Variants in MRPS7 observed in about 807,000 individuals in gnomAD.
MRPS7 encodes small ribosomal subunit protein uS7m.
Under a neutral mutation model 26.2 loss-of-function variants are expected in MRPS7, and 13 were observed. The ratio of observed to expected loss-of-function variants is 0.50; its 90% confidence interval spans 0.32 to 0.79. The LOEUF is 0.79. Among genes scored for constraint, MRPS7 ranks in the 30% least tolerant of loss-of-function variants. The pLI, the probability that MRPS7 is intolerant of heterozygous loss-of-function variation, is 0.03. For missense variants in MRPS7, 318 were observed against 312.2 expected (o/e 1.02, Z -0.14); for synonymous variants, 129 against 113.3 (o/e 1.14, Z -0.88).
In MRPS7 at chr17:75,262,866, A is replaced by G; in HGVS notation, c.338A>G (p.Gln113Arg). Residue 113 changes from glutamine (Q) to arginine (R), a missense_variant and splice_region_variant, in exon 3 of 5, where the codon CAG becomes CGG. Coordinates refer to ENST00000245539, the MANE Select transcript of MRPS7 (RefSeq NM_015971.4). ...NKVLARSLMI[Q>R]TLEAVKRKQF... ...GTACTGGCCAGATCCCTCATGATTC[A>G]GGTAAACAGCACTTCCCTCCTCAGT... 2 of 1,614,022 alleles carry G rather than the reference A, an allele frequency of 1.2e-6. No individual in the cohort carries two copies. Among genetic ancestry groups the G allele is most frequent in the South Asian group, 2.2e-5 (2 of 91,064 alleles).
chr17:75,265,470 G>A (rs967141343), intron 4 of MRPS7, among the ~76,000 whole-genome samples: 6 of 152,116 alleles, frequency 3.9e-5, no homozygotes, highest in Admixed American at 1.3e-4. Flanking sequence ...CCACAGTGCC[G>A]GGAGAGGCCA....
chr17:75,264,849 A>C (rs1211784904), intron 4 of MRPS7, among the ~76,000 whole-genome samples: 8 of 142,552 alleles, frequency 5.6e-5, no homozygotes, highest in Admixed American at 4.9e-4. Context: ...CACCATGCCC[A>C]GCTAATTTTT....
chr17:75,263,335 T>C lies in MRPS7; in HGVS notation c.340-5T>C. 5 of 1,614,052 alleles carry C rather than the reference T, an allele frequency of 3.1e-6. No homozygotes were observed. Among genetic ancestry groups the C allele is most frequent in the Non-Finnish European group, 3.4e-6 (4 of 1,180,012 alleles). ...GGCAGCCTCTTCCACCATATTCTTT[T>C]GCAGACTCTGGAAGCTGTGAAAAGG... On this transcript the variant is annotated splice_polypyrimidine_tract_variant and splice_region_variant and intron_variant, in intron 3 of 4. Coordinates refer to ENST00000245539, the MANE Select transcript of MRPS7 (RefSeq NM_015971.4).
intron 1 of MRPS7, 88 bp from the exon 2 acceptor site, chr17:75,262,409 C>T (rs757727212): frequency 2.8e-6 from 4 of 1,429,538 alleles, no homozygotes; most frequent in Non-Finnish European, 3.8e-6. Context: ...CCCTCGTCGG[C>T]GCGTTGGCAG....
At chr17:75,262,416 G>T in intron 1 of MRPS7, 81 bp from the exon 2 acceptor site, 1 of 1,471,702 alleles carries the variant, frequency 6.8e-7, no homozygotes. Flanking sequence ...CGGCGCGTTG[G>T]CAGTCATGCC....
In MRPS7 at chr17:75,265,943, G is replaced by T. The variant is rs746777155; in HGVS notation, c.*20G>T. On this transcript the variant is annotated 3_prime_UTR_variant, in exon 5 of 5. Transcript: ENST00000245539. The stretch of plus-strand genomic sequence containing the variant: ...TGGTAGAGTCTCCAGGAGGAGCCCA[G>T]GGCCCTCTGCCGCAAGAAACAGTGT... The T allele has an allele frequency of 6.2e-7, 1 of 1,609,570 alleles. No homozygotes were observed. Among genetic ancestry groups the T allele is most frequent in the Non-Finnish European group, 8.5e-7 (1 of 1,177,410 alleles).
At position 75,266,078 on chromosome 17, in the gene MRPS7, CTTCT is replaced by C. The variant is rs576352554; in HGVS notation, c.*162_*165del. On this transcript the variant is annotated 3_prime_UTR_variant, in exon 5 of 5. Transcript: ENST00000245539. The stretch of plus-strand genomic sequence containing the variant: ...GCAGCATATTCACTATCCGTTAATC[CTTCT>C]TTCTTTGAGGCTGGAACTTGCTCTC... The C allele has an allele frequency of 4.5e-4, 301 of 669,418 alleles. 1 individual carries two copies. The highest frequency in any genetic ancestry group is 6.1e-4 in the South Asian group (32 of 52,748). 41.5% of individuals were successfully genotyped at this position (669,418 alleles called of 1,614,324 possible). A position where few individuals can be genotyped will look rare whatever the true frequency, so the allele number is the denominator to read the frequency against.
intron 4 of MRPS7, 80 bp downstream of exon 4, chr17:75,263,587 AT>A (rs2077443572): frequency 6.4e-7 from 1 of 1,558,148 alleles, no homozygotes; most frequent in Non-Finnish European, 8.8e-7. Flanking sequence ...TTGGGTCAAG[AT>A]TGATAGCTTT....
Position 75,265,820 on chromosome 17 carries a change from T to C in MRPS7, c.626T>C (p.Leu209Pro). 1 of 1,614,170 alleles carries C rather than the reference T, an allele frequency of 6.2e-7. No homozygotes were observed. ...TLMPEKLSHKLLEAFHNQGPV... is the reference protein window; with the variant it reads ...TLMPEKLSHKPLEAFHNQGPV... ...ATGCCGGAGAAGCTGTCACACAAGCTGCTGGAGGCTTTCCATAACCAGGGC... is the reference window on the plus strand; with the variant it reads ...ATGCCGGAGAAGCTGTCACACAAGCCGCTGGAGGCTTTCCATAACCAGGGC... Residue 209 changes from leucine (L) to proline (P), a missense_variant, in exon 5 of 5, where the codon CTG becomes CCG. Coordinates refer to ENST00000245539, the MANE Select transcript of MRPS7 (RefSeq NM_015971.4).
At position 75,262,526 on chromosome 17, in the gene MRPS7, G is replaced by A. The variant is rs749836473; in HGVS notation, c.113G>A (p.Ser38Asn). 4.3e-6 allele frequency: 7 copies of A among 1,613,972 alleles called. No individual in the cohort carries two copies. In the East Asian group the frequency reaches 1.1e-4, roughly 26 times the overall value. The change falls in exon 2 of 5, where the codon AGT becomes AAT. Residue 38 changes from serine (S) to asparagine (N), a missense_variant. Physicochemically the swap from Ser to Asn is conservative, Grantham distance 46. Transcript: ENST00000245539. ...ACTCAGGTGAGATGGAGCCGCTATA[G>A]TCCTGAATTCAAGGATCCCTTGATT... ...GLTQVRWSRY[S>N]PEFKDPLIDK...
chr17:75,261,991 G>C lies in MRPS7; in HGVS notation c.83+8G>C, dbSNP rs779839555. ...TGTCTTGCAGCTTCCAGGGTGAGAGGGTGGCGAGCAGCGGCGGGGGGGCGC... is the reference window on the plus strand; with the variant it reads ...TGTCTTGCAGCTTCCAGGGTGAGAGCGTGGCGAGCAGCGGCGGGGGGGCGC... On this transcript the variant is annotated splice_region_variant and intron_variant, in intron 1 of 4. Transcript: ENST00000245539. The C allele has an allele frequency of 1.5e-5, 23 of 1,533,788 alleles. No homozygotes were observed. The highest frequency in any genetic ancestry group is 4.5e-5 in the South Asian group (4 of 87,980).
chr17:75,264,772 C>A (rs1239872432), intron 4 of MRPS7, among the ~76,000 whole-genome samples: 1 of 151,214 alleles, frequency 6.6e-6, no homozygotes, highest in Non-Finnish European at 1.5e-5. Flanking sequence ...CTCCGCCTCC[C>A]GGGTTCAAGA....
chr17:75,261,949 T>C lies in MRPS7; in HGVS notation c.49T>C (p.Leu17=), dbSNP rs769770368. 1.2e-6 allele frequency: 2 copies of C among 1,608,184 alleles called. No homozygotes were observed. The highest frequency in any genetic ancestry group is 1.3e-5 in the African/African-American group (1 of 74,868). ...TGCCCGAGGATGGTCGGGCCTGGCG[T>C]TGGGCGTGCGGCGGGCTGTCTTGCA... ...KVARGWSGLA[L]GVRRAVLQLP... is the part of the protein sequence containing the mutation. The change falls in exon 1 of 5, where the codon TTG becomes CTG. Residue 17 remains leucine (L), a synonymous_variant. Transcript: ENST00000245539.
rs954955583 is a variant in MRPS7 at position 75,263,585 on chromosome 17, A to G, written c.507+78A>G. ...TAGGTGGTGCTTGGGAGTTGGGTCA[A>G]GATTGATAGCTTTCTAGCTGGTGCA... On this transcript the variant is annotated intron_variant, in intron 4 of 4. Transcript: ENST00000245539. The G allele has an allele frequency of 7.0e-6, 11 of 1,563,438 alleles. No individual in the cohort carries two copies. The African/African-American group carries it at 1.2e-4, about 17-fold the overall frequency.
chr17:75,262,479 CCTT>C lies in MRPS7; in HGVS notation c.84-17_84-15del, dbSNP rs1347423286. ...TGGAGTCAGCTTTTGCCTGCCTCCT[CCTT>C]TCCCCCCCTCCCAGGCTAACTCAGG... On this transcript the variant is annotated splice_polypyrimidine_tract_variant and intron_variant, in intron 1 of 4. Coordinates refer to ENST00000245539, the MANE Select transcript of MRPS7 (RefSeq NM_015971.4). 3.1e-6 allele frequency: 5 copies of C among 1,611,532 alleles called. No homozygotes were observed. In the East Asian group the frequency reaches 8.9e-5, roughly 29 times the overall value.
intron 1 of MRPS7, 140 bp from the exon 2 acceptor site, chr17:75,262,357 T>C: frequency 2.2e-6 from 2 of 920,092 alleles, no homozygotes; most frequent in Non-Finnish European, 3.4e-6. Flanking sequence ...AGGGCCTGAA[T>C]TGTTGTGGCT....
In MRPS7 at chr17:75,266,213, A is replaced by T. The variant is rs565288691; in HGVS notation, c.*290A>T. ...CTTAGGTTGGGGCGGACCTTTGGAT[A>T]TATAAAGGAAGCAGTTTTAGTATCA... On this transcript the variant is annotated 3_prime_UTR_variant, in exon 5 of 5. Coordinates refer to ENST00000245539, the MANE Select transcript of MRPS7 (RefSeq NM_015971.4). 2 of 458,434 alleles carry T rather than the reference A, an allele frequency of 4.4e-6. No individual in the cohort carries two copies. The highest frequency in any genetic ancestry group is 7.9e-6 in the Non-Finnish European group (2 of 253,334). The allele number at this position is 458,434 out of a possible 1,614,324, so 28.4% of individuals were successfully genotyped here. A position where few individuals can be genotyped will look rare whatever the true frequency, so the allele number is the denominator to read the frequency against.
intron 1 of MRPS7, 133 bp from the exon 2 acceptor site, chr17:75,262,363 TG>T: frequency 1.0e-6 from 1 of 966,724 alleles, no homozygotes; most frequent in Non-Finnish European, 1.6e-6. Flanking sequence ...TGAATTGTTG[TG>T]GCTCAGGTTT....
At position 75,263,397 on chromosome 17, in the gene MRPS7, G is replaced by A. The variant is rs755782422; in HGVS notation, c.397G>A (p.Glu133Lys). The change falls in exon 4 of 5, where the codon GAA (glutamate) becomes AAA (lysine). Residue 133 changes from glutamate (E) to lysine (K), a missense_variant. Physicochemically the swap from Glu to Lys is moderately conservative, Grantham distance 56 (BLOSUM62 1). Transcript: ENST00000245539. ...GAAGTACCATGCCGCTTCTGCAGAG[G>A]AACAGGCAACCATCGAACGCAACCC... ...FEKYHAASAE[E>K]QATIERNPYT... is the part of the protein sequence containing the mutation. 1 of 1,614,078 alleles carries A rather than the reference G, an allele frequency of 6.2e-7. No individual in the cohort carries two copies. Among genetic ancestry groups the A allele is most frequent in the Non-Finnish European group, 8.5e-7 (1 of 1,180,022 alleles).
Sources: allele counts gnomAD v4.1 joint callset (sites outside exome capture counted in the v4.1 genomes callset), GRCh38; gene constraint gnomAD v4.1.1; transcripts MANE v1.5; gene names NCBI Gene and HGNC (gene_info 2026-07-23, HGNC 2026-07-21).